The following CHAT variants were observed in gnomAD, a reference collection of about 807,000 sequenced individuals.
CHAT encodes the protein acetyl CoA:choline O-acetyltransferase.
CHAT carries 61 observed loss-of-function variants against 76.9 expected under a neutral mutation model. The ratio of observed to expected loss-of-function variants is 0.79; its 90% CI spans 0.65 to 0.98. The LOEUF is 0.98. CHAT is among the 50% of genes least tolerant of loss of function. The pLI, the probability that CHAT is intolerant of heterozygous loss-of-function variation, is 0.00. For missense variants in CHAT, 946 were observed against 986.9 expected (o/e 0.96, Z 0.56); for synonymous variants, 407 against 397.4 (o/e 1.02, Z -0.29).
intron 7 of CHAT, among the ~76,000 whole-genome samples, chr10:49,630,868 C>T (rs1839095222): frequency 6.6e-6 from 1 of 152,118 alleles, no homozygotes; most frequent in African/African-American, 2.4e-5. Context: ...TCTCAGATCA[C>T]AACCTTGAGA....
chr10:49,627,897 G>A (rs899447335), intron 7 of CHAT, 112 bp downstream of exon 7: 1 of 1,273,518 alleles, frequency 7.9e-7, no homozygotes, highest in Non-Finnish European at 1.1e-6. Context: ...TAGTGTGGGA[G>A]CTCAGGGCCC....
At chr10:49,616,465 G>A (rs752245503) in intron 1 of CHAT, 37 bp from the exon 2 acceptor site, 1 of 1,503,556 alleles carries the variant, frequency 6.7e-7, no homozygotes. Context: ...GGCCTATGTG[G>A]CTGCTGTGTT....
At chr10:49,615,723 C>T (rs1320904798) in intron 1 of CHAT, 1 of 427,924 alleles carries the variant, frequency 2.3e-6, no homozygotes, top group East Asian at 3.8e-5. Flanking sequence ...GCCCTCTTGG[C>T]CTGGCTCACT....
rs957574261 is a variant in CHAT at position 49,649,374 on chromosome 10, A to C, written c.1383-134A>C. On this transcript the variant is annotated intron_variant, in intron 9 of 14. Coordinates refer to ENST00000337653, the MANE Select transcript of CHAT (RefSeq NM_020549.5). ...AGTTTATTCATCTGCACGGTGGTTC[A>C]GGGGCAGCTCGTACCCCCTGAAACT... 14 of 1,265,670 alleles carry C rather than the reference A, an allele frequency of 1.1e-5. No homozygotes were observed. In the African/African-American group the frequency reaches 1.6e-4, roughly 15 times the overall value. The allele number at this position is 1,265,670 out of a possible 1,614,324, so 78.4% of individuals were successfully genotyped here.
Position 49,625,472 on chromosome 10 carries a change from G to C in CHAT, c.753-1G>C, listed in dbSNP as rs1325924035. 3.1e-6 allele frequency: 5 copies of C among 1,612,044 alleles called. No individual in the cohort carries two copies. The highest frequency in any genetic ancestry group is 4.2e-6 in the Non-Finnish European group (5 of 1,179,958). On this transcript the variant is annotated splice_acceptor_variant, in intron 5 of 14. Transcript: ENST00000337653. LOFTEE classifies it high-confidence loss of function. Reference sequence around the variant, plus strand: ...CCTCCCTTCCCACTCCTCTCCTTCAGCCACTCCATTCCCACTGACTGTGCC... The same window carrying C: ...CCTCCCTTCCCACTCCTCTCCTTCACCCACTCCATTCCCACTGACTGTGCC...
At chr10:49,618,990 C>T (rs952945467) in intron 2 of CHAT, among the ~76,000 whole-genome samples, 8 of 152,076 alleles carry the variant, frequency 5.3e-5, no homozygotes, top group African/African-American at 1.9e-4. Flanking sequence ...CCACTGCATC[C>T]CCACCCCTGC....
chr10:49,632,293 C>T (rs565648790), intron 7 of CHAT, among the ~76,000 whole-genome samples: 30 of 152,128 alleles, frequency 2.0e-4, no homozygotes, highest in Admixed American at 1.4e-3. Context: ...ACTGCATGCG[C>T]GTAGAGGACA....
chr10:49,617,272 T>C (rs4838533), intron 2 of CHAT, among the ~76,000 whole-genome samples: 62,273 of 151,280 alleles, frequency 0.41, 13,390 homozygotes, highest in East Asian at 0.71. Context: ...TTGCCCTGAA[T>C]TCTGCAGCTG....
chr10:49,624,824 T>G (rs568816369), intron 5 of CHAT, among the ~76,000 whole-genome samples: 58 of 151,196 alleles, frequency 3.8e-4, no homozygotes, highest in African/African-American at 1.4e-3. Flanking sequence ...GATGGATGGA[T>G]GCTTGGTGGA....
At chr10:49,625,368 G>C in intron 5 of CHAT, 105 bp from the exon 6 acceptor site, 4 of 1,027,276 alleles carry the variant, frequency 3.9e-6, no homozygotes, top group Non-Finnish European at 5.9e-6. Context: ...TCTGGGTTCT[G>C]TGCCCCATTT....
chr10:49,612,012 C>G (rs1198230726), upstream of CHAT: 3 of 1,613,756 alleles, frequency 1.9e-6, no homozygotes, highest in South Asian at 3.3e-5. Context: ...ACGCCATCGC[C>G]GACATCTCCT....
At chr10:49,613,507 T>C (rs1378220685), upstream of CHAT, among the ~76,000 whole-genome samples, 1 of 152,186 alleles carries the variant, frequency 6.6e-6, no homozygotes, top group Admixed American at 6.5e-5. Flanking sequence ...CTTCCCATCA[T>C]AGCGTGAAGA....
chr10:49,628,663 T>C (rs1310040648), intron 7 of CHAT, among the ~76,000 whole-genome samples: 1 of 152,204 alleles, frequency 6.6e-6, no homozygotes, highest in Non-Finnish European at 1.5e-5. Context: ...AAAAACGTGC[T>C]CCAGGACTTC....
At chr10:49,659,789 G>T (rs543071254) in intron 13 of CHAT, among the ~76,000 whole-genome samples, 2 of 152,098 alleles carry the variant, frequency 1.3e-5, no homozygotes, top group South Asian at 4.2e-4. Context: ...ATGAACCCAG[G>T]GGGTGGAAGT....
At chr10:49,645,176 C>G (rs1839616485) in intron 7 of CHAT, among the ~76,000 whole-genome samples, 1 of 152,156 alleles carries the variant, frequency 6.6e-6, no homozygotes, top group South Asian at 2.1e-4. Context: ...GTTCTACAAG[C>G]AAGGAAAGAA....
intron 7 of CHAT, among the ~76,000 whole-genome samples, chr10:49,636,238 C>G (rs1057189626): frequency 6.6e-6 from 1 of 152,072 alleles, no homozygotes; most frequent in Non-Finnish European, 1.5e-5. Flanking sequence ...TCAATTTTGT[C>G]AAATGTTTTT....
At chr10:49,651,311 G>A (rs1839868766) in intron 10 of CHAT, among the ~76,000 whole-genome samples, 1 of 151,730 alleles carries the variant, frequency 6.6e-6, no homozygotes, top group Non-Finnish European at 1.5e-5. Context: ...TCAAGGAGAG[G>A]CAGGCAGGGA....
upstream of CHAT, chr10:49,612,069 G>A (rs2132688687): frequency 1.9e-6 from 3 of 1,613,538 alleles, no homozygotes; most frequent in Non-Finnish European, 2.5e-6. Flanking sequence ...GCCACATTGT[G>A]CACTCGCTGG....
intron 6 of CHAT, among the ~76,000 whole-genome samples, chr10:49,626,452 A>G (rs1838925039): frequency 6.6e-6 from 1 of 152,218 alleles, no homozygotes; most frequent in South Asian, 2.1e-4. Flanking sequence ...CTTGCTCTAC[A>G]ATGTGATCCT....
Sources: allele counts gnomAD v4.1 joint callset (sites outside exome capture counted in the v4.1 genomes callset), GRCh38; gene constraint gnomAD v4.1.1; transcripts MANE v1.5; gene names NCBI Gene and HGNC (gene_info 2026-07-23, HGNC 2026-07-21).